Variants in CASD1 observed in about 807,000 individuals in gnomAD.
CASD1 encodes N-acetylneuraminate (7)9-O-acetyltransferase.
A neutral mutation model predicts 100.0 loss-of-function variants in CASD1; 41 were observed. The observed-to-expected ratio is 0.41, with a 90% confidence interval of 0.32 to 0.53. The LOEUF (loss-of-function observed/expected upper bound fraction) is 0.53. CASD1 is among the 20% of genes least tolerant of loss of function. CASD1 has a pLI of 0.25. For missense variants in CASD1, 774 were observed against 948.7 expected (o/e 0.82, Z 2.42); for synonymous variants, 321 against 315.6 (o/e 1.02, Z -0.18).
chr7:94,538,878 T>C, intron 9 of CASD1, 89 bp from the exon 10 acceptor site: 1 of 589,440 alleles, frequency 1.7e-6, no homozygotes, highest in Non-Finnish European at 2.9e-6. Flanking sequence ...CTTTATGTCC[T>C]ATAAGAAAAC....
At chr7:94,570,934 G>C in the CASD1 span, among the ~76,000 whole-genome samples, 3 of 152,012 alleles carry the variant, frequency 2.0e-5, no homozygotes, top group Non-Finnish European at 2.9e-5. Flanking sequence ...AGTTACTGTT[G>C]AGAGTCCTTT....
chr7:94,525,669 C>CAAA (rs1794527756), intron 3 of CASD1, among the ~76,000 whole-genome samples: 1 of 152,166 alleles, frequency 6.6e-6, no homozygotes, highest in Non-Finnish European at 1.5e-5. Context: ...AGGAGGAAAA[C>CAAA]ACCTGTGTGA....
chr7:94,553,815 T>TAAATAAATAAAA (rs370820977), intron 16 of CASD1: 56 of 150,922 alleles, frequency 3.7e-4, no homozygotes, highest in African/African-American at 1.2e-3. Context: ...AATAAATAAA[T>TAAATAAATAAAA]AAAAAGAAAA....
chr7:94,585,853 T>C, the CASD1 span, among the ~76,000 whole-genome samples: 37 of 151,692 alleles, frequency 2.4e-4, no homozygotes, highest in African/African-American at 8.2e-4. Context: ...TAAAAAAATA[T>C]CATGTGGGCT....
the CASD1 span, among the ~76,000 whole-genome samples, chr7:94,612,904 T>A: frequency 6.6e-6 from 1 of 152,172 alleles, no homozygotes; most frequent in Non-Finnish European, 1.5e-5. Flanking sequence ...CAATCCATCA[T>A]CAGTCTCTGA....
intron 12 of CASD1, 94 bp downstream of exon 12, chr7:94,545,795 A>T (rs1795649426): frequency 1.4e-6 from 1 of 709,118 alleles, no homozygotes; most frequent in Non-Finnish European, 2.2e-6. Context: ...TTATTAAGTG[A>T]TGTAGACAGT....
intron 1 of CASD1, among the ~76,000 whole-genome samples, chr7:94,512,607 T>G (rs189867829): frequency 1.3e-5 from 2 of 152,352 alleles, no homozygotes; most frequent in South Asian, 4.2e-4. Context: ...CAGGGACTGT[T>G]CTACTAAAGG....
At chr7:94,523,353 A>G (rs1013670108) in intron 3 of CASD1, among the ~76,000 whole-genome samples, 1 of 152,264 alleles carries the variant, frequency 6.6e-6, no homozygotes, top group Admixed American at 6.5e-5. Flanking sequence ...AATAAGATGT[A>G]CATACAAAAA....
intron 5 of CASD1, among the ~76,000 whole-genome samples, chr7:94,528,555 C>T (rs1794691314): frequency 6.6e-6 from 1 of 152,150 alleles, no homozygotes; most frequent in Non-Finnish European, 1.5e-5. Flanking sequence ...GTGATCTTCC[C>T]AGCACAGTGT....
the CASD1 span, among the ~76,000 whole-genome samples, chr7:94,614,106 T>TAAAAAAAAAAAAAAAAAAAA: frequency 3.6e-5 from 2 of 55,172 alleles, no homozygotes; most frequent in Non-Finnish European, 3.4e-5. Flanking sequence ...CAAATTGAAA[T>TAAAAAAAAAAAAAAAAAAAA]CAAAAAAAAA....
At chr7:94,515,403 C>T (rs1327206731) in intron 1 of CASD1, among the ~76,000 whole-genome samples, 2 of 132,536 alleles carry the variant, frequency 1.5e-5, no homozygotes, top group Admixed American at 1.6e-4. Flanking sequence ...CTTCAAATCT[C>T]ATTTTGCTAT....
chr7:94,536,774 G>A (rs1795143101), intron 8 of CASD1, among the ~76,000 whole-genome samples: 1 of 152,124 alleles, frequency 6.6e-6, no homozygotes, highest in Non-Finnish European at 1.5e-5. Context: ...TATAAAACTA[G>A]AGTTTGACTG....
intron 2 of CASD1, 119 bp downstream of exon 2, chr7:94,517,775 T>G: frequency 1.7e-6 from 1 of 597,444 alleles, no homozygotes; most frequent in East Asian, 2.9e-5. Context: ...GCTGACTGAG[T>G]GTAGGGCTGA....
the CASD1 span, among the ~76,000 whole-genome samples, chr7:94,614,125 A>C: frequency 6.6e-6 from 1 of 151,422 alleles, no homozygotes; most frequent in Non-Finnish European, 1.5e-5. Context: ...AAAAAAAAAA[A>C]AAAAACACAG....
At chr7:94,512,897 T>C (rs567368144) in intron 1 of CASD1, among the ~76,000 whole-genome samples, 4 of 152,240 alleles carry the variant, frequency 2.6e-5, no homozygotes, top group Non-Finnish European at 5.9e-5. Context: ...GGATACACAG[T>C]GACTGAGCTA....
the CASD1 span, among the ~76,000 whole-genome samples, chr7:94,609,490 C>T: frequency 6.6e-6 from 1 of 152,220 alleles, no homozygotes; most frequent in Non-Finnish European, 1.5e-5. Context: ...CAAGATTGCA[C>T]CACTGCACTC....
At chr7:94,589,434 A>G in the CASD1 span, 7 of 153,500 alleles carry the variant, frequency 4.6e-5, no homozygotes, top group African/African-American at 1.7e-4. Context: ...TTCCTCATTT[A>G]CATTCTTGTC....
In CASD1 at chr7:94,544,447, G is replaced by T; in HGVS notation, c.1393G>T (p.Ala465Ser). 1.2e-6 allele frequency: 2 copies of T among 1,613,114 alleles called. No individual in the cohort carries two copies. The highest frequency in any genetic ancestry group is 1.7e-6 in the Non-Finnish European group (2 of 1,179,486). ...PVYMHIRVLV[A>S]AYLFQTGYGH... Reference sequence around the variant, plus strand: ...ATACATGCACATTCGAGTTCTGGTTGCTGCATATTTATTTCAGACAGGGTA... The same window carrying T: ...ATACATGCACATTCGAGTTCTGGTTTCTGCATATTTATTTCAGACAGGGTA... The change falls in exon 11 of 18, where the codon GCT becomes TCT. Residue 465 changes from alanine (A) to serine (S), a missense_variant. By Grantham distance (99) the Ala-to-Ser change is moderately conservative. Coordinates refer to ENST00000297273, the MANE Select transcript of CASD1 (RefSeq NM_022900.5).
At chr7:94,539,371 C>T (rs1389964823) in intron 10 of CASD1, among the ~76,000 whole-genome samples, 2 of 151,990 alleles carry the variant, frequency 1.3e-5, no homozygotes, top group Admixed American at 6.6e-5. Flanking sequence ...TTGAAGTTAT[C>T]AGGAAACTTT....
Sources: gnomAD v4.1 joint callset for allele counts (sites outside exome capture counted in the v4.1 genomes callset) on GRCh38, gnomAD v4.1.1 for gene constraint, MANE v1.5 for transcripts, NCBI Gene and HGNC (gene_info 2026-07-23, HGNC 2026-07-21) for gene names.